The following GPR176 variants were observed in gnomAD, a reference collection of about 807,000 sequenced individuals.
GPR176 encodes G protein-coupled receptor 176.
Under a neutral mutation model 35.4 loss-of-function variants are expected in GPR176, and 26 were observed. That is an observed-to-expected ratio of 0.74 (90% CI 0.54 to 1.02). GPR176 has a LOEUF of 1.02. Among genes scored for constraint, GPR176 ranks in the 50% least tolerant of loss-of-function variants. The pLI is 0.00. For missense variants in GPR176, 597 were observed against 665.3 expected (o/e 0.90, Z 1.13); for synonymous variants, 278 against 271.3 (o/e 1.02, Z -0.24).
At chr15:39,858,025 A>G (rs905853923) in intron 1 of GPR176, among the ~76,000 whole-genome samples, 3 of 151,876 alleles carry the variant, frequency 2.0e-5, no homozygotes, top group Non-Finnish European at 2.9e-5. Flanking sequence ...ACTCTAAGCC[A>G]GTACTGAAAT....
At chr15:39,855,052 A>C (rs2031124585) in intron 1 of GPR176, among the ~76,000 whole-genome samples, 1 of 145,396 alleles carries the variant, frequency 6.9e-6, no homozygotes, top group African/African-American at 2.5e-5. Context: ...CCCTGTCTCA[A>C]AAAAAAAAAA....
At chr15:39,894,079 CG>C (rs1357911791) in intron 1 of GPR176, among the ~76,000 whole-genome samples, 2 of 30,184 alleles carry the variant, frequency 6.6e-5, no homozygotes, top group African/African-American at 1.4e-4. Context: ...GCTGGCCAGG[CG>C]GGGGGCTGAC....
At position 39,874,110 on chromosome 15, in the gene GPR176, G is replaced by A. The variant is rs576012467; in HGVS notation, c.172+45745C>T. 3.9e-5 allele frequency among the ~76,000 whole-genome samples: 6 copies of A among 152,288 alleles called. No homozygotes were observed. The South Asian group carries it at 1.2e-3, about 32-fold the overall frequency. ...TTACGTAAGTCTGCAGTCTCTATAT[G>A]AGTTTCCACCAAACAGGTGGGTGAC... On this transcript the variant is annotated intron_variant, in intron 1 of 2. Coordinates refer to ENST00000561100, the MANE Select transcript of GPR176 (RefSeq NM_007223.3).
chr15:39,875,926 T>TAC (rs1206760719), intron 1 of GPR176, among the ~76,000 whole-genome samples: 2 of 149,480 alleles, frequency 1.3e-5, no homozygotes, highest in African/African-American at 4.9e-5. Flanking sequence ...AACTCATATA[T>TAC]ATATATGAGT....
intron 1 of GPR176, among the ~76,000 whole-genome samples, chr15:39,903,596 A>G (rs913207533): frequency 7.9e-5 from 12 of 151,660 alleles, no homozygotes; most frequent in Non-Finnish European, 1.8e-4. Flanking sequence ...TTTTTTTTTA[A>G]GTGTGGCATC....
intron 1 of GPR176, among the ~76,000 whole-genome samples, chr15:39,880,294 T>A (rs1595502670): frequency 6.6e-6 from 1 of 152,166 alleles, no homozygotes; most frequent in South Asian, 2.1e-4. Context: ...CTATTATCAC[T>A]CCCTCCTGGA....
intron 1 of GPR176, among the ~76,000 whole-genome samples, chr15:39,880,609 T>G (rs186537205): frequency 6.6e-6 from 1 of 152,122 alleles, no homozygotes; most frequent in Non-Finnish European, 1.5e-5. Context: ...GTCTCCTATA[T>G]ACCTTATTTT....
chr15:39,901,864 A>G (rs1390707341), intron 1 of GPR176, among the ~76,000 whole-genome samples: 1 of 152,030 alleles, frequency 6.6e-6, no homozygotes, highest in Non-Finnish European at 1.5e-5. Context: ...ATTTGAGGTC[A>G]GGAGTTCGAG....
At chr15:39,867,339 G>T (rs1192978711) in intron 1 of GPR176, among the ~76,000 whole-genome samples, 1 of 152,172 alleles carries the variant, frequency 6.6e-6, no homozygotes, top group African/African-American at 2.4e-5. Flanking sequence ...AGGAAAACTG[G>T]ACTCAAACTG....
chr15:39,866,540 G>A (rs2031837059), intron 1 of GPR176, among the ~76,000 whole-genome samples: 1 of 152,058 alleles, frequency 6.6e-6, no homozygotes, highest in South Asian at 2.1e-4. Flanking sequence ...TCACTAGTAG[G>A]ATTACTGTCA....
chr15:39,843,594 G>GATT (rs56333744), intron 1 of GPR176, among the ~76,000 whole-genome samples: 57,078 of 151,700 alleles, frequency 0.38, 11,399 homozygotes, highest in African/African-American at 0.46. Context: ...CAGTGTAAGA[G>GATT]ATTACACAGG....
At position 39,920,045 on chromosome 15, in the gene GPR176, G is replaced by T; in HGVS notation, c.-19C>A. On this transcript the variant is annotated 5_prime_UTR_variant, in exon 1 of 3. Transcript: ENST00000561100. Reference sequence around the variant, plus strand: ...GTCCCATGGCGAGGCTGGGACTCCGGCTCCGCGCGCCGCCCGCCTCGGAGC... The same window carrying T: ...GTCCCATGGCGAGGCTGGGACTCCGTCTCCGCGCGCCGCCCGCCTCGGAGC... 1 of 1,291,186 alleles carries T rather than the reference G, an allele frequency of 7.7e-7. No individual in the cohort carries two copies. 80.0% of individuals were successfully genotyped at this position (1,291,186 alleles called of 1,614,324 possible).
At chr15:39,817,204 T>C (rs1899979297) in intron 1 of GPR176, among the ~76,000 whole-genome samples, 1 of 150,388 alleles carries the variant, frequency 6.6e-6, no homozygotes, top group East Asian at 2.0e-4. Flanking sequence ...AAAAAAACTA[T>C]TCCATTTTTT....
At chr15:39,848,642 A>C (rs1431677516) in intron 1 of GPR176, among the ~76,000 whole-genome samples, 1 of 152,194 alleles carries the variant, frequency 6.6e-6, no homozygotes, top group South Asian at 2.1e-4. Context: ...ATCAAACTAG[A>C]AATTAGTAAA....
intron 1 of GPR176, among the ~76,000 whole-genome samples, chr15:39,810,328 G>A (rs1899468082): frequency 1.3e-5 from 2 of 152,138 alleles, no homozygotes; most frequent in Admixed American, 1.3e-4. Flanking sequence ...AGTGGATGTG[G>A]AAGACAAAGC....
At chr15:39,857,535 T>C (rs1049516892) in intron 1 of GPR176, among the ~76,000 whole-genome samples, 5 of 151,630 alleles carry the variant, frequency 3.3e-5, no homozygotes, top group Non-Finnish European at 2.9e-5. Context: ...TGGGGTGTGG[T>C]GGTGCATGTC....
At chr15:39,837,926 G>T (rs558084426) in intron 1 of GPR176, among the ~76,000 whole-genome samples, 17 of 150,150 alleles carry the variant, frequency 1.1e-4, no homozygotes, top group Non-Finnish European at 1.8e-4. Context: ...GCTGAGGGAG[G>T]AGGATAGTTT....
At chr15:39,903,079 G>A (rs891869064) in intron 1 of GPR176, among the ~76,000 whole-genome samples, 2 of 152,206 alleles carry the variant, frequency 1.3e-5, no homozygotes, top group Non-Finnish European at 2.9e-5. Flanking sequence ...TGTGTTAGAT[G>A]ATTTTCTCCA....
intron 1 of GPR176, among the ~76,000 whole-genome samples, chr15:39,882,794 A>G (rs2032526182): frequency 6.6e-6 from 1 of 152,198 alleles, no homozygotes; most frequent in Non-Finnish European, 1.5e-5. Flanking sequence ...AGGGCATTAG[A>G]CTGATTGTTC....
Sources: gnomAD v4.1 joint callset for allele counts (sites outside exome capture counted in the v4.1 genomes callset) on GRCh38, gnomAD v4.1.1 for gene constraint, MANE v1.5 for transcripts, NCBI Gene and HGNC (gene_info 2026-07-23, HGNC 2026-07-21) for gene names.